Variants in AUTS2 observed in about 807,000 individuals in gnomAD.
AUTS2 encodes activator of transcription and developmental regulator AUTS2.
Under a neutral mutation model 112.4 loss-of-function variants are expected in AUTS2, and 17 were observed. The observed-to-expected ratio is 0.15, with a 90% CI of 0.10 to 0.23. AUTS2 has a LOEUF of 0.23. Among genes scored for constraint, AUTS2 ranks in the 10% least tolerant of loss-of-function variants. AUTS2 has a pLI of 1.00. For missense variants in AUTS2, 1,510 were observed against 1,701.6 expected (o/e 0.89, Z 1.98); for synonymous variants, 751 against 702.7 (o/e 1.07, Z -1.09).
chr7:70,709,929 A>G (rs1282493949), intron 6 of AUTS2, among the ~76,000 whole-genome samples: 2 of 152,128 alleles, frequency 1.3e-5, no homozygotes, highest in Non-Finnish European at 2.9e-5. Flanking sequence ...AAAGATCTTA[A>G]AGGTAAGAGG....
chr7:70,397,658 T>TACACAC (rs145934747), intron 4 of AUTS2, among the ~76,000 whole-genome samples: 1,590 of 149,544 alleles, frequency 0.011, 30 homozygotes, highest in African/African-American at 0.032. Flanking sequence ...TACATGTATG[T>TACACAC]ACACACACAC....
chr7:70,149,479 TA>T (rs1196188787), intron 4 of AUTS2, among the ~76,000 whole-genome samples: 1 of 152,004 alleles, frequency 6.6e-6, no homozygotes, highest in Non-Finnish European at 1.5e-5. Flanking sequence ...CTATTTCACA[TA>T]AAAAAACTGG....
At chr7:70,729,239 G>A (rs1585583741) in intron 6 of AUTS2, 1 of 455,640 alleles carries the variant, frequency 2.2e-6, no homozygotes, top group East Asian at 6.9e-5. Context: ...GGCTGGGCCA[G>A]TGCGGACCCC....
chr7:70,540,524 T>G (rs992027401), intron 5 of AUTS2, among the ~76,000 whole-genome samples: 1 of 152,150 alleles, frequency 6.6e-6, no homozygotes. Flanking sequence ...GAAAGTCCAT[T>G]GTGCCTGCTC....
intron 1 of AUTS2, among the ~76,000 whole-genome samples, chr7:69,734,747 A>G (rs1584156976): frequency 6.6e-6 from 1 of 151,904 alleles, no homozygotes; most frequent in African/African-American, 2.4e-5. Flanking sequence ...ATGTGTAACC[A>G]CTTAGTACCA....
chr7:70,269,980 A>T (rs897855606), intron 4 of AUTS2, among the ~76,000 whole-genome samples: 4 of 152,176 alleles, frequency 2.6e-5, no homozygotes. Context: ...TTGAGGCTGC[A>T]GTGGGCTATG....
At chr7:69,866,636 A>T (rs1051232664) in intron 1 of AUTS2, among the ~76,000 whole-genome samples, 22 of 152,204 alleles carry the variant, frequency 1.4e-4, no homozygotes, top group African/African-American at 5.3e-4. Context: ...TCACAGAGCA[A>T]GCAAAGTTCT....
intron 2 of AUTS2, among the ~76,000 whole-genome samples, chr7:69,967,325 A>G (rs79631993): frequency 6.6e-6 from 1 of 151,592 alleles, no homozygotes. Context: ...GTACCAGGGG[A>G]CATAGCCTGC....
chr7:70,643,890 A>T (rs62456776), intron 5 of AUTS2, among the ~76,000 whole-genome samples: 6,854 of 152,076 alleles, frequency 0.045, 317 homozygotes, highest in African/African-American at 0.11. Flanking sequence ...TTTACCTCTC[A>T]AAAGACTGGC....
At chr7:69,687,903 A>G (rs1358751594) in intron 1 of AUTS2, among the ~76,000 whole-genome samples, 1 of 152,184 alleles carries the variant, frequency 6.6e-6, no homozygotes, top group Non-Finnish European at 1.5e-5. Flanking sequence ...CTCTGAAAAC[A>G]CAAAAGAGGA....
At chr7:70,681,634 T>C (rs1326347383) in intron 5 of AUTS2, among the ~76,000 whole-genome samples, 1 of 152,078 alleles carries the variant, frequency 6.6e-6, no homozygotes, top group Non-Finnish European at 1.5e-5. Flanking sequence ...CCACTTTGCT[T>C]TTCCAGAATT....
At chr7:70,164,130 C>G (rs750956658) in intron 4 of AUTS2, among the ~76,000 whole-genome samples, 1 of 152,140 alleles carries the variant, frequency 6.6e-6, no homozygotes, top group Non-Finnish European at 1.5e-5. Flanking sequence ...AATAAACTTT[C>G]ATTTCTATAT....
At chr7:69,830,709 C>T (rs1184197393) in intron 1 of AUTS2, among the ~76,000 whole-genome samples, 2 of 152,160 alleles carry the variant, frequency 1.3e-5, no homozygotes, top group African/African-American at 4.8e-5. Context: ...CTCTCTTATC[C>T]ATTCACTACA....
chr7:69,605,432 G>A (rs1282066830), intron 1 of AUTS2, among the ~76,000 whole-genome samples: 2 of 152,146 alleles, frequency 1.3e-5, no homozygotes, highest in African/African-American at 4.8e-5. Context: ...GAATATTGGT[G>A]AGTGGTTCTC....
chr7:70,156,891 T>TAAAAAAAAAAAAAAAAAAAAAA (rs781281055), intron 4 of AUTS2, among the ~76,000 whole-genome samples: 2 of 37,876 alleles, frequency 5.3e-5, no homozygotes, highest in African/African-American at 2.2e-4. Flanking sequence ...CTACTAAAAG[T>TAAAAAAAAAAAAAAAAAAAAAA]AAAAAAAAAA....
At chr7:69,728,210 C>G (rs572957245) in intron 1 of AUTS2, among the ~76,000 whole-genome samples, 2 of 152,294 alleles carry the variant, frequency 1.3e-5, no homozygotes, top group South Asian at 4.1e-4. Flanking sequence ...TAGTAGAGTT[C>G]CCTCTCCCTG....
At chr7:69,895,548 C>CCA (rs1554400681) in intron 1 of AUTS2, among the ~76,000 whole-genome samples, 16 of 146,120 alleles carry the variant, frequency 1.1e-4, no homozygotes, top group Middle Eastern at 3.5e-3. Context: ...CTTCTTCCCC[C>CCA]CCCCCGAGTG....
At chr7:70,714,764 G>T (rs141953759) in intron 6 of AUTS2, among the ~76,000 whole-genome samples, 1 of 152,158 alleles carries the variant, frequency 6.6e-6, no homozygotes, top group Non-Finnish European at 1.5e-5. Context: ...GAAGTTGGCC[G>T]TAAAGCTTTG....
chr7:70,730,622 G>A (rs981777169), intron 6 of AUTS2, among the ~76,000 whole-genome samples: 1 of 152,174 alleles, frequency 6.6e-6, no homozygotes, highest in African/African-American at 2.4e-5. Context: ...TCCATTGTAT[G>A]GATATGCCAC....
Sources: allele counts gnomAD v4.1 joint callset (sites outside exome capture counted in the v4.1 genomes callset), GRCh38; gene constraint gnomAD v4.1.1; transcripts MANE v1.5; gene names NCBI Gene and HGNC (gene_info 2026-07-23, HGNC 2026-07-21).